The following PARD3B variants were observed in gnomAD, a reference collection of about 807,000 sequenced individuals.
PARD3B encodes partitioning defective 3 homolog B.
Under a neutral mutation model 130.2 loss-of-function variants are expected in PARD3B, and 103 were observed. The observed-to-expected ratio is 0.79, with a 90% CI of 0.67 to 0.93. The LOEUF is 0.93. PARD3B is among the 40% of genes least tolerant of loss of function. The pLI, the probability that PARD3B is intolerant of heterozygous loss-of-function variation, is 0.00. For synonymous variants in PARD3B, 583 were observed against 553.2 expected (o/e 1.05, Z -0.76); for missense variants, 1,609 against 1,499.2 (o/e 1.07, Z -1.21).
At chr2:205,313,736 GATA>G (rs550647019) in intron 18 of PARD3B, among the ~76,000 whole-genome samples, 1 of 152,234 alleles carries the variant, frequency 6.6e-6, no homozygotes, top group African/African-American at 2.4e-5. Flanking sequence ...ACTTTTCTTG[GATA>G]ATGAGGTTTA....
At chr2:204,671,321 A>T (rs770369395) in intron 1 of PARD3B, among the ~76,000 whole-genome samples, 2 of 152,130 alleles carry the variant, frequency 1.3e-5, no homozygotes. Flanking sequence ...TTCTCCAGAG[A>T]TAATATCTCT....
At chr2:204,975,313 C>T (rs1443221073) in intron 3 of PARD3B, among the ~76,000 whole-genome samples, 1 of 152,138 alleles carries the variant, frequency 6.6e-6, no homozygotes, top group Non-Finnish European at 1.5e-5. Flanking sequence ...ATTTTATCTT[C>T]TATTAAGCAA....
chr2:205,545,855 T>C (rs1182846348), intron 21 of PARD3B, among the ~76,000 whole-genome samples: 1 of 152,194 alleles, frequency 6.6e-6, no homozygotes, highest in Non-Finnish European at 1.5e-5. Flanking sequence ...TCTTCTCCTC[T>C]GCCATTAATC....
intron 21 of PARD3B, among the ~76,000 whole-genome samples, chr2:205,517,622 C>A (rs1355644394): frequency 6.6e-6 from 1 of 152,018 alleles, no homozygotes; most frequent in Non-Finnish European, 1.5e-5. Flanking sequence ...CTTCTGCTAG[C>A]TTTGGGGTTG....
At chr2:204,915,941 G>A (rs2047425347) in intron 2 of PARD3B, among the ~76,000 whole-genome samples, 1 of 152,218 alleles carries the variant, frequency 6.6e-6, no homozygotes, top group South Asian at 2.1e-4. Context: ...CTGCTGGAAG[G>A]TTGAGTCGAA....
At position 205,146,415 on chromosome 2, in the gene PARD3B, C is replaced by T. The variant is rs533073010; in HGVS notation, c.1435-12307C>T. On this transcript the variant is annotated intron_variant, in intron 10 of 22. Transcript: ENST00000406610. This position sits in a 1 kb window ranked among gnomAD's most constrained non-coding sequence, Gnocchi z 4.3. ...CTGTAATCCCAGCATTTTGGGAGGC[C>T]GAGGTGGGCGGATCATGAGGTCAGG... Among the ~76,000 whole-genome samples, 60 of 152,042 alleles carry T rather than the reference C, an allele frequency of 3.9e-4. No homozygotes were observed. The highest frequency in any genetic ancestry group is 1.3e-3 in the African/African-American group (56 of 41,486).
intron 1 of PARD3B, among the ~76,000 whole-genome samples, chr2:204,577,220 TAAATG>T (rs1466799070): frequency 6.6e-6 from 1 of 152,254 alleles, no homozygotes; most frequent in Admixed American, 6.5e-5. Flanking sequence ...CATAGAAAGT[TAAATG>T]ATATGATGAT....
intron 2 of PARD3B, among the ~76,000 whole-genome samples, chr2:204,957,799 T>G (rs572146003): frequency 3.5e-4 from 53 of 152,188 alleles, no homozygotes; most frequent in Admixed American, 3.5e-3. Flanking sequence ...GGTGATAATG[T>G]GATTTTCTCT....
intron 3 of PARD3B, among the ~76,000 whole-genome samples, chr2:205,014,467 C>T (rs945417217): frequency 2.0e-5 from 3 of 152,090 alleles, no homozygotes; most frequent in African/African-American, 7.2e-5. Context: ...AACTGGGATG[C>T]CCCAGTGTGT....
chr2:205,272,660 C>T (rs2040776904), intron 16 of PARD3B, among the ~76,000 whole-genome samples: 1 of 152,150 alleles, frequency 6.6e-6, no homozygotes, highest in African/African-American at 2.4e-5. Flanking sequence ...TCCATCCATA[C>T]CGTGTAGCTT....
rs764328000 is a variant in PARD3B at position 205,301,769 on chromosome 2, C to T, written c.2630+68C>T. On this transcript the variant is annotated intron_variant, in intron 18 of 22. Coordinates refer to ENST00000406610, the MANE Select transcript of PARD3B (RefSeq NM_001302769.2). This position sits in a 1 kb window ranked among gnomAD's most constrained non-coding sequence, Gnocchi z 5.2. ...TCTCCTGGTAAAATCACTCCTTTGTCTGTACTCAGAAAAAAGCGCACGCTT... is the reference window on the plus strand; with the variant it reads ...TCTCCTGGTAAAATCACTCCTTTGTTTGTACTCAGAAAAAAGCGCACGCTT... 85 of 1,613,534 alleles carry T rather than the reference C, an allele frequency of 5.3e-5. No homozygotes were observed. Among genetic ancestry groups the T allele is most frequent in the Non-Finnish European group, 6.5e-5 (77 of 1,179,586 alleles).
At chr2:204,810,644 A>G (rs753114792) in intron 2 of PARD3B, among the ~76,000 whole-genome samples, 3 of 152,102 alleles carry the variant, frequency 2.0e-5, no homozygotes, top group Non-Finnish European at 4.4e-5. Context: ...AACCTTGCAT[A>G]TCAGAGATAA....
At chr2:204,845,572 C>T (rs975869454) in intron 2 of PARD3B, among the ~76,000 whole-genome samples, 1 of 151,984 alleles carries the variant, frequency 6.6e-6, no homozygotes, top group Non-Finnish European at 1.5e-5. Flanking sequence ...TTATGAAAAA[C>T]AGAGATTCTA....
chr2:205,396,169 T>G (rs1314461595), intron 18 of PARD3B, among the ~76,000 whole-genome samples: 1 of 152,224 alleles, frequency 6.6e-6, no homozygotes, highest in Non-Finnish European at 1.5e-5. Context: ...TATTCTCAGC[T>G]TAAATCTATT....
At chr2:205,163,752 C>G (rs2034641566) in intron 11 of PARD3B, among the ~76,000 whole-genome samples, 1 of 152,164 alleles carries the variant, frequency 6.6e-6, no homozygotes, top group East Asian at 1.9e-4. Context: ...TTTCCACCCC[C>G]ATCTCTGCCG....
At chr2:205,416,286 T>G (rs905527110) in intron 19 of PARD3B, among the ~76,000 whole-genome samples, 2 of 152,134 alleles carry the variant, frequency 1.3e-5, no homozygotes, top group African/African-American at 2.4e-5. Flanking sequence ...ATAGGCTTAA[T>G]AGTGTCTGGT....
At chr2:204,780,558 G>C (rs2041799157) in intron 2 of PARD3B, among the ~76,000 whole-genome samples, 1 of 152,062 alleles carries the variant, frequency 6.6e-6, no homozygotes, top group African/African-American at 2.4e-5. Flanking sequence ...CACTAGTTCT[G>C]TTTATTTGTT....
chr2:205,037,422 T>C (rs1406466508), intron 3 of PARD3B, among the ~76,000 whole-genome samples: 2 of 147,624 alleles, frequency 1.4e-5, no homozygotes, highest in Non-Finnish European at 3.0e-5. Context: ...GTATAAAATA[T>C]ATATAGTGGA....
At chr2:204,568,010 A>C (rs1004026436) in intron 1 of PARD3B, among the ~76,000 whole-genome samples, 2 of 152,234 alleles carry the variant, frequency 1.3e-5, no homozygotes, top group Admixed American at 6.5e-5. Context: ...TTTTCATACA[A>C]CTAAAATATT....
Sources: allele counts gnomAD v4.1 joint callset (sites outside exome capture counted in the v4.1 genomes callset), GRCh38; gene constraint gnomAD v4.1.1; non-coding constraint Gnocchi (gnomAD v3.1); transcripts MANE v1.5; gene names NCBI Gene and HGNC (gene_info 2026-07-23, HGNC 2026-07-21).